Variants in AKAP13 observed in about 807,000 individuals in gnomAD.
AKAP13 encodes A-kinase anchor protein 13.
In AKAP13, 80 loss-of-function variants were observed where a neutral mutation model predicts 264.5. The ratio of observed to expected loss-of-function variants is 0.30; its 90% CI spans 0.25 to 0.36. The LOEUF (loss-of-function observed/expected upper bound fraction) is 0.36, where lower values mean the gene tolerates loss of function less well. Ranked by LOEUF, AKAP13 falls within the 10% of genes least tolerant of loss-of-function variation. The pLI is 1.00. For missense variants in AKAP13, 3,712 were observed against 3,435.2 expected, an observed-to-expected ratio of 1.08 and a Z score of -2.01; for synonymous variants, 1,380 against 1,250.2, an observed-to-expected ratio of 1.10 and a Z score of -2.19.
chr15:85,442,466 TAATA>T (rs1262307461), intron 1 of AKAP13, among the ~76,000 whole-genome samples: 2 of 122,782 alleles, frequency 1.6e-5, no homozygotes, highest in Non-Finnish European at 3.4e-5. Flanking sequence ...ATAATATACA[TAATA>T]TATATTATAT....
chr15:85,517,659 CTG>C (rs974871944), intron 2 of AKAP13, among the ~76,000 whole-genome samples: 16 of 151,904 alleles, frequency 1.1e-4, no homozygotes, highest in African/African-American at 3.9e-4. Context: ...TTTAAAGTAA[CTG>C]TTTTATAAAA....
intron 30 of AKAP13, among the ~76,000 whole-genome samples, chr15:85,731,629 G>A (rs1176077003): frequency 6.6e-6 from 1 of 152,046 alleles, no homozygotes; most frequent in Non-Finnish European, 1.5e-5. Context: ...CATTGAGGAG[G>A]CATAAATATC....
intron 1 of AKAP13, among the ~76,000 whole-genome samples, chr15:85,483,469 A>T (rs955687853): frequency 6.6e-6 from 1 of 151,282 alleles, no homozygotes; most frequent in African/African-American, 2.5e-5. Context: ...TACTAAATAT[A>T]CAAAAAATTA....
At chr15:85,485,621 C>A in intron 1 of AKAP13, 89 bp from the exon 2 acceptor site, 1 of 1,098,216 alleles carries the variant, frequency 9.1e-7, no homozygotes, top group Non-Finnish European at 1.4e-6. Context: ...ACTCACAGAG[C>A]TATGCTTGAC....
chr15:85,602,773 C>A (rs182063767), intron 8 of AKAP13, among the ~76,000 whole-genome samples: 1 of 152,334 alleles, frequency 6.6e-6, no homozygotes, highest in Admixed American at 6.5e-5. Context: ...CAGGCGTGAG[C>A]CACTGCACCC....
intron 14 of AKAP13, among the ~76,000 whole-genome samples, chr15:85,672,946 A>G (rs771174071): frequency 1.3e-5 from 2 of 152,202 alleles, no homozygotes; most frequent in Admixed American, 1.3e-4. Flanking sequence ...GCTGTTTATT[A>G]TGAGTGTGCT....
At chr15:85,538,736 GCCTCGGCCTCCCAA>G (rs2077485569) in intron 4 of AKAP13, among the ~76,000 whole-genome samples, 1 of 151,232 alleles carries the variant, frequency 6.6e-6, no homozygotes, top group Admixed American at 6.6e-5. Context: ...TGATCCTCCC[GCCTCGGCCTCCCAA>G]AGTGCTGGGA....
In AKAP13 at chr15:85,746,631, A is replaced by T. The variant is rs1481435444; in HGVS notation, c.*1954A>T. 6.6e-6 allele frequency: 1 copy of T among 152,164 alleles called. No homozygotes were observed. The highest frequency in any genetic ancestry group is 2.1e-4 in the South Asian group (1 of 4,824). 9.4% of individuals were successfully genotyped at this position (152,164 alleles called of 1,614,324 possible). On this transcript the variant is annotated 3_prime_UTR_variant, in exon 37 of 37. Coordinates refer to ENST00000394518, the MANE Select transcript of AKAP13 (RefSeq NM_007200.5). ...AAACCTGCTGATTTTTCTATTGAAAATATGTCCCCTTGCAAAGACCCTAAA... is the reference window on the plus strand; with the variant it reads ...AAACCTGCTGATTTTTCTATTGAAATTATGTCCCCTTGCAAAGACCCTAAA...
At position 85,485,769 on chromosome 15, in the gene AKAP13, G is replaced by C. The variant is rs1356608237; in HGVS notation, c.33+16G>C. 3.7e-6 allele frequency: 6 copies of C among 1,610,712 alleles called. No homozygotes were observed. The highest frequency in any genetic ancestry group is 5.1e-6 in the Non-Finnish European group (6 of 1,177,476). The stretch of plus-strand genomic sequence containing the variant: ...TCCCTTATATGTGAGTAAATCATGA[G>C]ATTTCTTATTATTTTGTGTTTATCT... On this transcript the variant is annotated intron_variant, in intron 2 of 36. Coordinates refer to ENST00000394518, the MANE Select transcript of AKAP13 (RefSeq NM_007200.5).
At chr15:85,463,023 CAAAAAAA>C (rs35565608) in intron 1 of AKAP13, among the ~76,000 whole-genome samples, 4 of 65,172 alleles carry the variant, frequency 6.1e-5, no homozygotes, top group East Asian at 5.1e-4. Flanking sequence ...GACTCCGTCT[CAAAAAAA>C]AAAAAAAAAA....
chr15:85,455,827 C>T (rs2074264025), intron 1 of AKAP13, among the ~76,000 whole-genome samples: 1 of 151,946 alleles, frequency 6.6e-6, no homozygotes, highest in South Asian at 2.1e-4. Context: ...CTGCAAACTA[C>T]TGTAATCCCT....
chr15:85,628,436 G>A (rs1046978214), intron 8 of AKAP13, among the ~76,000 whole-genome samples: 1 of 152,158 alleles, frequency 6.6e-6, no homozygotes, highest in East Asian at 1.9e-4. Context: ...CAGAAGCCCC[G>A]AATTATCGGA....
Position 85,655,351 on chromosome 15 carries a change from A to G in AKAP13, c.4375-66A>G, listed in dbSNP as rs1030255971. The G allele has an allele frequency of 3.4e-5, 52 of 1,551,774 alleles. No individual in the cohort carries two copies. In the African/African-American group the frequency reaches 6.6e-4, roughly 20 times the overall value. ...CACTGAGAAGCCATTGGCTTGATCT[A>G]GAATAACTGAGGCTATCTGATTGGC... On this transcript the variant is annotated intron_variant, in intron 10 of 36. Coordinates refer to ENST00000394518, the MANE Select transcript of AKAP13 (RefSeq NM_007200.5).
chr15:85,522,273 T>G (rs2076848743), intron 3 of AKAP13, among the ~76,000 whole-genome samples: 1 of 152,176 alleles, frequency 6.6e-6, no homozygotes, highest in African/African-American at 2.4e-5. Context: ...ATAGGAACAC[T>G]TTAGGGTTAA....
chr15:85,394,202 G>A (rs1478775860), intron 1 of AKAP13, among the ~76,000 whole-genome samples: 1 of 152,204 alleles, frequency 6.6e-6, no homozygotes, highest in Non-Finnish European at 1.5e-5. Flanking sequence ...CCCTCAGTAA[G>A]AAAAATACAG....
At chr15:85,639,596 T>C in intron 9 of AKAP13, 147 bp downstream of exon 9, 1 of 642,946 alleles carries the variant, frequency 1.6e-6, no homozygotes, top group Non-Finnish European at 2.7e-6. Flanking sequence ...CATTTTGTCT[T>C]ACAGTTGAAG....
intron 5 of AKAP13, chr15:85,555,453 G>T: frequency 7.8e-7 from 1 of 1,289,076 alleles, no homozygotes; most frequent in Non-Finnish European, 1.0e-6. Context: ...ACTAAAAGAG[G>T]ATGGGCTTGC....
intron 5 of AKAP13, among the ~76,000 whole-genome samples, chr15:85,550,663 T>A (rs2077928711): frequency 6.6e-6 from 1 of 152,246 alleles, no homozygotes; most frequent in South Asian, 2.1e-4. Flanking sequence ...TTTGGAGACT[T>A]TGCTTTTGCA....
intron 2 of AKAP13, among the ~76,000 whole-genome samples, chr15:85,504,924 C>CCCCTCTCT (rs1370880732): frequency 1.3e-5 from 2 of 151,900 alleles, no homozygotes. Context: ...TCCCCCTCTC[C>CCCCTCTCT]CCCTCTCTCC....
Sources: gnomAD v4.1 joint callset for allele counts (sites outside exome capture counted in the v4.1 genomes callset) on GRCh38, gnomAD v4.1.1 for gene constraint, MANE v1.5 for transcripts, NCBI Gene and HGNC (gene_info 2026-07-23, HGNC 2026-07-21) for gene names.